The following CNTNAP5 variants were observed in gnomAD, a reference collection of about 807,000 sequenced individuals.
CNTNAP5 encodes the protein contactin-associated protein-like 5.
In CNTNAP5, 72 loss-of-function variants were observed where a neutral mutation model predicts 150.2. That is an observed-to-expected ratio of 0.48 (90% confidence interval 0.40 to 0.58). CNTNAP5 has a LOEUF of 0.58. Among genes scored for constraint, CNTNAP5 ranks in the 20% least tolerant of loss-of-function variants. CNTNAP5 has a pLI of 0.00. For missense variants in CNTNAP5, 1,636 were observed against 1,626.2 expected, an observed-to-expected ratio of 1.01 and a Z score of -0.10; for synonymous variants, 672 against 619.8, an observed-to-expected ratio of 1.08 and a Z score of -1.25.
intron 11 of CNTNAP5, among the ~76,000 whole-genome samples, chr2:124,599,959 CT>C (rs1351009946): frequency 1.8e-4 from 26 of 148,306 alleles, no homozygotes; most frequent in Admixed American, 4.7e-4. Context: ...AGAACCATGT[CT>C]TTTTTTTTTG....
At chr2:124,253,760 T>C (rs372709093) in intron 3 of CNTNAP5, among the ~76,000 whole-genome samples, 2 of 151,040 alleles carry the variant, frequency 1.3e-5, no homozygotes, top group African/African-American at 4.9e-5. Flanking sequence ...CTCCAAATTA[T>C]TTTTTTTCCA....
intron 2 of CNTNAP5, among the ~76,000 whole-genome samples, chr2:124,239,381 T>G (rs528658338): frequency 6.6e-6 from 1 of 152,244 alleles, no homozygotes; most frequent in African/African-American, 2.4e-5. Flanking sequence ...TGTGAACTAT[T>G]GAGGGTAAAA....
rs376482830 is a variant in CNTNAP5, at chr2:124,775,585, G to A, written c.2752+2568G>A. On this transcript the variant is annotated intron_variant, in intron 17 of 23. Coordinates refer to ENST00000682447, the MANE Select transcript of CNTNAP5 (RefSeq NM_001367498.1). ...AGAAATAGGCTGCGTTTTTACAATAGGATGTTCCTCTCAGCACTGCCCCTG... is the reference window on the plus strand; with the variant it reads ...AGAAATAGGCTGCGTTTTTACAATAAGATGTTCCTCTCAGCACTGCCCCTG... Among the ~76,000 whole-genome samples the A allele has an allele frequency of 1.1e-4, 16 of 152,264 alleles. No homozygotes were observed. In the East Asian group the frequency reaches 1.5e-3, roughly 15 times the overall value.
intron 1 of CNTNAP5, among the ~76,000 whole-genome samples, chr2:124,110,329 GC>G (rs1465012701): frequency 3.3e-4 from 50 of 152,124 alleles, no homozygotes; most frequent in African/African-American, 1.2e-3. Flanking sequence ...CCATATTCAA[GC>G]CTATCTGGAC....
chr2:124,891,649 A>G (rs1678196760), intron 21 of CNTNAP5, among the ~76,000 whole-genome samples: 1 of 152,188 alleles, frequency 6.6e-6, no homozygotes, highest in Non-Finnish European at 1.5e-5. Flanking sequence ...GAAACTGTGT[A>G]CATATTTAAT....
At chr2:124,521,377 C>T (rs1483027407) in intron 8 of CNTNAP5, among the ~76,000 whole-genome samples, 1 of 151,918 alleles carries the variant, frequency 6.6e-6, no homozygotes, top group Non-Finnish European at 1.5e-5. Flanking sequence ...AAAGGGCAGA[C>T]CAAAAAATAA....
chr2:124,189,066 C>T (rs1361105935), intron 1 of CNTNAP5, among the ~76,000 whole-genome samples: 3 of 152,082 alleles, frequency 2.0e-5, no homozygotes, highest in Non-Finnish European at 4.4e-5. Flanking sequence ...TTAGGAAACA[C>T]ATATTCTAAT....
Position 124,272,924 on chromosome 2 carries a change from A to C in CNTNAP5, c.381+30531A>C, listed in dbSNP as rs114038954. 4.3e-3 allele frequency among the ~76,000 whole-genome samples: 655 copies of C among 152,338 alleles called. 6 individuals are homozygous for C. The highest frequency in any genetic ancestry group is 0.015 in the African/African-American group (624 of 41,588). On this transcript the variant is annotated intron_variant, in intron 3 of 23. Transcript: ENST00000682447. ...AAAAACTATGTCTAACTATTGGATG[A>C]ACAAATGCATGACCCTGTAGGTCAT...
At chr2:124,503,577 C>G (rs1039034578) in intron 7 of CNTNAP5, among the ~76,000 whole-genome samples, 1 of 152,162 alleles carries the variant, frequency 6.6e-6, no homozygotes, top group Admixed American at 6.5e-5. Context: ...AATACTTTTA[C>G]TAAGTTAAAT....
chr2:124,640,277 CT>C (rs1271095218), intron 12 of CNTNAP5, among the ~76,000 whole-genome samples: 5 of 152,132 alleles, frequency 3.3e-5, no homozygotes, highest in African/African-American at 1.2e-4. Flanking sequence ...AATTACCCCC[CT>C]GAAAAGATAC....
rs1407203610 is a variant in CNTNAP5, at chr2:124,040,312, A to G, written c.82+14580A>G. Among the ~76,000 whole-genome samples the G allele has an allele frequency of 2.0e-5, 3 of 152,094 alleles. No homozygotes were observed. In the East Asian group the frequency reaches 5.8e-4, roughly 29 times the overall value. ...GAGATCGTGATATTTGATCATATGGATAGTAAGTACACATTGGATTAGTGA... is the reference window on the plus strand; with the variant it reads ...GAGATCGTGATATTTGATCATATGGGTAGTAAGTACACATTGGATTAGTGA... On this transcript the variant is annotated intron_variant, in intron 1 of 23. Transcript: ENST00000682447.
intron 11 of CNTNAP5, among the ~76,000 whole-genome samples, chr2:124,588,138 C>A (rs1209004155): frequency 7.2e-6 from 1 of 139,854 alleles, no homozygotes. Flanking sequence ...CCTTTTCCTT[C>A]CTTCCTTCCT....
intron 3 of CNTNAP5, among the ~76,000 whole-genome samples, chr2:124,282,807 A>G (rs1015043987): frequency 6.6e-6 from 1 of 152,128 alleles, no homozygotes; most frequent in African/African-American, 2.4e-5. Context: ...GGTAGTACAG[A>G]GGGTCTGAGA....
chr2:124,189,356 G>T (rs1427288207), intron 1 of CNTNAP5, among the ~76,000 whole-genome samples: 1 of 152,120 alleles, frequency 6.6e-6, no homozygotes, highest in East Asian at 1.9e-4. Flanking sequence ...GACTCCCGGG[G>T]TCAATGCAGA....
intron 4 of CNTNAP5, among the ~76,000 whole-genome samples, chr2:124,419,988 C>CTTTT (rs772589224): frequency 5.0e-3 from 393 of 78,798 alleles, no homozygotes; most frequent in Non-Finnish European, 7.0e-3. Context: ...TTCTTTCTTT[C>CTTTT]TTTTTTTTTT....
chr2:124,553,531 A>C (rs1477279919), intron 10 of CNTNAP5, among the ~76,000 whole-genome samples: 1 of 151,628 alleles, frequency 6.6e-6, no homozygotes. Context: ...GTTAGAATGC[A>C]TAAGGAAAAT....
At chr2:124,800,383 AC>A (rs1681942448) in intron 19 of CNTNAP5, among the ~76,000 whole-genome samples, 1 of 152,194 alleles carries the variant, frequency 6.6e-6, no homozygotes, top group Non-Finnish European at 1.5e-5. Flanking sequence ...ATACACACAC[AC>A]ACACACAAAT....
intron 13 of CNTNAP5, among the ~76,000 whole-genome samples, chr2:124,677,102 G>C (rs550688577): frequency 1.3e-5 from 2 of 152,232 alleles, no homozygotes; most frequent in South Asian, 4.1e-4. Flanking sequence ...TCTTAAAGAT[G>C]GTGTGTCCTG....
intron 11 of CNTNAP5, among the ~76,000 whole-genome samples, chr2:124,593,136 ATTATT>A (rs1177805174): frequency 8.0e-5 from 11 of 138,048 alleles, no homozygotes; most frequent in Non-Finnish European, 1.6e-4. Flanking sequence ...TATTATTATT[ATTATT>A]TTTTTAATTA....
Sources: allele counts gnomAD v4.1 joint callset (sites outside exome capture counted in the v4.1 genomes callset), GRCh38; gene constraint gnomAD v4.1.1; transcripts MANE v1.5; gene names NCBI Gene and HGNC (gene_info 2026-07-23, HGNC 2026-07-21).